The following ERP44 variants were observed in gnomAD, a reference collection of about 807,000 sequenced individuals.
ERP44 encodes endoplasmic reticulum protein 44, also known as endoplasmic reticulum resident protein 44.
Under a neutral mutation model 53.4 loss-of-function variants are expected in ERP44, and 25 were observed. That is an observed-to-expected ratio of 0.47 (90% CI 0.34 to 0.65). The LOEUF (loss-of-function observed/expected upper bound fraction) is 0.65, where lower values mean the gene tolerates loss of function less well. Among genes scored for constraint, ERP44 ranks in the 30% least tolerant of loss-of-function variants. The pLI, the probability that ERP44 is intolerant of heterozygous loss-of-function variation, is 0.01. For missense variants in ERP44, 338 were observed against 493.2 expected, an observed-to-expected ratio of 0.69 and a Z score of 2.98; for synonymous variants, 145 against 161.2, an observed-to-expected ratio of 0.90 and a Z score of 0.76.
intron 4 of ERP44, among the ~76,000 whole-genome samples, chr9:100,044,995 A>C (rs935989233): frequency 1.3e-5 from 2 of 152,164 alleles, no homozygotes; most frequent in African/African-American, 4.8e-5. Context: ...TTTGACTTTC[A>C]AATAGCATAG....
chr9:100,072,810 ACT>A (rs1416360094), intron 1 of ERP44, among the ~76,000 whole-genome samples: 1 of 152,000 alleles, frequency 6.6e-6, no homozygotes, highest in Admixed American at 6.6e-5. Context: ...AAGTTCTCTA[ACT>A]CTCTATCTTC....
intron 3 of ERP44, 87 bp from the exon 4 acceptor site, chr9:100,052,619 A>G: frequency 1.7e-6 from 1 of 576,324 alleles, no homozygotes; most frequent in Non-Finnish European, 3.1e-6. Context: ...CATTTGATAT[A>G]GGCATAATAA....
Position 100,006,657 on chromosome 9 carries a change from A to T in ERP44, c.875-10T>A. The T allele has an allele frequency of 6.4e-7, 1 of 1,553,832 alleles. No individual in the cohort carries two copies. Among genetic ancestry groups the T allele is most frequent in the Non-Finnish European group, 8.7e-7 (1 of 1,152,258 alleles). The stretch of plus-strand genomic sequence containing the variant: ...AAAAAGTTTATTGTACCTTTAAGAA[A>T]AAAGAATTTTGAGAGGTAAATTCAA... On this transcript the variant is annotated splice_polypyrimidine_tract_variant and intron_variant, in intron 9 of 11. Transcript: ENST00000262455.
At chr9:100,069,108 T>C (rs1050944089) in intron 1 of ERP44, among the ~76,000 whole-genome samples, 17 of 151,210 alleles carry the variant, frequency 1.1e-4, no homozygotes, top group African/African-American at 4.1e-4. Flanking sequence ...TCCTTAAGAG[T>C]CATCACCACT....
chr9:100,008,775 T>G (rs1423378858), intron 8 of ERP44, among the ~76,000 whole-genome samples: 1 of 152,120 alleles, frequency 6.6e-6, no homozygotes, highest in African/African-American at 2.4e-5. Context: ...TTCACCATTG[T>G]TTTTTTGGAG....
intron 7 of ERP44, 91 bp downstream of exon 7, chr9:100,018,165 T>C: frequency 1.2e-6 from 1 of 834,822 alleles, no homozygotes; most frequent in South Asian, 1.4e-5. Context: ...AAAGTTCTAT[T>C]AGTCTATGAA....
At chr9:100,013,105 A>G (rs1275375471) in intron 8 of ERP44, among the ~76,000 whole-genome samples, 1 of 152,222 alleles carries the variant, frequency 6.6e-6, no homozygotes, top group Non-Finnish European at 1.5e-5. Flanking sequence ...GGAGAAAGAG[A>G]TAGTAAGATC....
Position 100,016,430 on chromosome 9 carries a change from A to C in ERP44, c.654T>G (p.Ala218=). 1 of 1,601,484 alleles carries C rather than the reference A, an allele frequency of 6.2e-7. No individual in the cohort carries two copies. Among genetic ancestry groups the C allele is most frequent in the South Asian group, 1.1e-5 (1 of 88,152 alleles). The change falls in exon 8 of 12, where the codon GCT becomes GCG. Residue 218 remains alanine, a synonymous_variant. Transcript: ENST00000262455. ...NIIYKPPGHS[A]PDMVYLGAMT... Reference sequence around the variant, plus strand: ...TAGCTCCCAAGTACACCATATCCGGAGCAGAATGCTATTACAAAACAGAAA... The same window carrying C: ...TAGCTCCCAAGTACACCATATCCGGCGCAGAATGCTATTACAAAACAGAAA...
In ERP44 at chr9:99,992,464, C is replaced by T. The variant is rs183433408; in HGVS notation, c.1017-7395G>A. Among the ~76,000 whole-genome samples the T allele has an allele frequency of 3.3e-3, 496 of 152,320 alleles. 1 individual carries two copies. Among genetic ancestry groups the T allele is most frequent in the Middle Eastern group, 0.017 (5 of 294 alleles). On this transcript the variant is annotated intron_variant, in intron 10 of 11. Transcript: ENST00000262455. ...AGAAAAGGCCTTTGACAAAATTCAA[C>T]AGCCCTTCATGCTACAAACTCTCAA...
chr9:99,998,789 C>T lies in ERP44; in HGVS notation c.1016+7717G>A, dbSNP rs141103772. The T allele has an allele frequency of 5.2e-4, 469 of 904,914 alleles. 2 individuals are homozygous for T. The African/African-American group carries it at 7.1e-3, about 14-fold the overall frequency. The allele number at this position is 904,914 out of a possible 1,614,324, so 56.1% of individuals were successfully genotyped here. On this transcript the variant is annotated intron_variant, in intron 10 of 11. Transcript: ENST00000262455. ...TTTCTCTCTCCTCCTCCGTTCTTCT[C>T]GCTTCTCTTCTCGAATTCTCTGCTT...
intron 9 of ERP44, 121 bp from the exon 10 acceptor site, chr9:100,006,768 T>C (rs925156936): frequency 1.4e-5 from 9 of 624,842 alleles, no homozygotes; most frequent in Non-Finnish European, 2.4e-5. Context: ...TTAAGAGTAA[T>C]ATAGATCAGA....
chr9:100,093,172 T>C (rs1487935840), intron 1 of ERP44, among the ~76,000 whole-genome samples: 1 of 152,098 alleles, frequency 6.6e-6, no homozygotes, highest in Admixed American at 6.6e-5. Flanking sequence ...CTATTAAAAA[T>C]CACAGTATAC....
Position 100,022,973 on chromosome 9 carries a change from A to T in ERP44, c.287-747T>A, listed in dbSNP as rs372687354. ...ACTAAAATTCTTTAAACAGAAGACA[A>T]ATATGAATAAACAACGGGAACAACT... On this transcript the variant is annotated intron_variant, in intron 4 of 11. Transcript: ENST00000262455. Among the ~76,000 whole-genome samples the T allele has an allele frequency of 7.2e-4, 110 of 152,324 alleles. 1 individual carries two copies. In the Middle Eastern group the frequency reaches 0.024, roughly 33 times the overall value.
At chr9:100,055,772 AAT>A (rs1826082319) in intron 3 of ERP44, among the ~76,000 whole-genome samples, 1 of 152,228 alleles carries the variant, frequency 6.6e-6, no homozygotes, top group Admixed American at 6.5e-5. Context: ...ATTTTTAAAA[AAT>A]AGTCTGGCAC....
chr9:100,014,446 G>A (rs886669907), intron 8 of ERP44, among the ~76,000 whole-genome samples: 1 of 151,946 alleles, frequency 6.6e-6, no homozygotes, highest in Non-Finnish European at 1.5e-5. Context: ...CACCACGCCT[G>A]GCTAATTTTG....
chr9:99,990,794 G>A (rs1830245243), intron 10 of ERP44, among the ~76,000 whole-genome samples: 1 of 152,108 alleles, frequency 6.6e-6, no homozygotes, highest in Admixed American at 6.5e-5. Flanking sequence ...GACACACATA[G>A]GCTCAAAATA....
intron 10 of ERP44, among the ~76,000 whole-genome samples, chr9:100,002,204 T>G (rs1830385107): frequency 6.6e-6 from 1 of 152,110 alleles, no homozygotes; most frequent in Admixed American, 6.5e-5. Context: ...TTACATCTTT[T>G]TATATTGTGT....
At chr9:100,011,160 A>T (rs906855826) in intron 8 of ERP44, among the ~76,000 whole-genome samples, 1 of 152,230 alleles carries the variant, frequency 6.6e-6, no homozygotes, top group Non-Finnish European at 1.5e-5. Context: ...AGTTAAAAAA[A>T]AACATAAGTA....
chr9:100,025,755 A>G (rs1830644332), intron 4 of ERP44, among the ~76,000 whole-genome samples: 3 of 152,176 alleles, frequency 2.0e-5, no homozygotes, highest in Non-Finnish European at 2.9e-5. Flanking sequence ...TCACTTCTAT[A>G]TAATACTGAT....
Sources: gnomAD v4.1 joint callset for allele counts (sites outside exome capture counted in the v4.1 genomes callset) on GRCh38, gnomAD v4.1.1 for gene constraint, MANE v1.5 for transcripts, NCBI Gene and HGNC (gene_info 2026-07-23, HGNC 2026-07-21) for gene names.